CTNNA2: variants seen among roughly 807,000 people sequenced by gnomAD.
CTNNA2 encodes catenin alpha-2.
In CTNNA2, 42 loss-of-function variants were observed where a neutral mutation model predicts 101.0. That is an observed-to-expected ratio of 0.42 (90% CI 0.32 to 0.54). CTNNA2 has a LOEUF of 0.54. Ranked by LOEUF, CTNNA2 falls within the 20% of genes least tolerant of loss-of-function variation. CTNNA2 has a pLI of 0.14. For synonymous variants in CTNNA2, 450 were observed against 456.4 expected (o/e 0.99, Z 0.18); for missense variants, 871 against 1,223.1 (o/e 0.71, Z 4.29).
At chr2:80,161,633 C>G (rs1704327009) in intron 7 of CTNNA2, among the ~76,000 whole-genome samples, 2 of 152,116 alleles carry the variant, frequency 1.3e-5, no homozygotes. Flanking sequence ...TAACGTTTGA[C>G]TGACAGAAGT....
At chr2:80,591,457 G>GTTTTTTTTTGTTTTTTTTTTTTTTT (rs1696488662) in intron 15 of CTNNA2, among the ~76,000 whole-genome samples, 1 of 70,314 alleles carries the variant, frequency 1.4e-5, no homozygotes, top group African/African-American at 4.6e-5. Flanking sequence ...TGCACAGCCT[G>GTTTTTTTTTGTTTTTTTTTTTTTTT]TTTTTTTTTT....
At chr2:79,248,459 G>T (rs1176748321) in intron 2 of CTNNA2, among the ~76,000 whole-genome samples, 2 of 151,378 alleles carry the variant, frequency 1.3e-5, no homozygotes, top group African/African-American at 2.4e-5. Context: ...TTAAAATTTG[G>T]TATGTCTTTT....
intron 6 of CTNNA2, among the ~76,000 whole-genome samples, chr2:79,895,209 G>A (rs1684618066): frequency 6.6e-6 from 1 of 152,184 alleles, no homozygotes; most frequent in Non-Finnish European, 1.5e-5. Context: ...TTCAGGCCAT[G>A]CAATGTTTCT....
At chr2:80,253,769 T>A (rs1306436948) in intron 7 of CTNNA2, among the ~76,000 whole-genome samples, 1 of 152,172 alleles carries the variant, frequency 6.6e-6, no homozygotes, top group Non-Finnish European at 1.5e-5. Flanking sequence ...ACTTTAATGA[T>A]AATCAAGAAT....
chr2:80,208,249 A>ATTTG (rs1019905200), intron 7 of CTNNA2, among the ~76,000 whole-genome samples: 1 of 152,072 alleles, frequency 6.6e-6, no homozygotes, highest in Non-Finnish European at 1.5e-5. Flanking sequence ...ATTTTCGTTC[A>ATTTG]TTTGTTTGTT....
In CTNNA2 at chr2:80,065,420, A is replaced by G. The variant is rs564182127; in HGVS notation, c.1056+155623A>G. Among the ~76,000 whole-genome samples, 111 of 150,304 alleles carry G rather than the reference A, an allele frequency of 7.4e-4. 1 individual carries two copies. The highest frequency in any genetic ancestry group is 2.3e-3 in the African/African-American group (93 of 40,678). The stretch of plus-strand genomic sequence containing the variant: ...TGTCACCAGGCTGGAGTGCAGTGGC[A>G]TGATCTCGGCTCACTACAATCTCTG... On this transcript the variant is annotated intron_variant, in intron 7 of 18. Transcript: ENST00000402739.
At chr2:79,455,708 T>G (rs1468339409) in intron 4 of CTNNA2, among the ~76,000 whole-genome samples, 1 of 152,206 alleles carries the variant, frequency 6.6e-6, no homozygotes, top group Non-Finnish European at 1.5e-5. Flanking sequence ...TAAATATTCT[T>G]GCATACAAGG....
intron 3 of CTNNA2, among the ~76,000 whole-genome samples, chr2:79,787,756 A>G (rs1049638352): frequency 6.6e-6 from 1 of 151,764 alleles, no homozygotes; most frequent in African/African-American, 2.4e-5. Context: ...CTCTGCTACC[A>G]CTGTCACATC....
At chr2:79,773,523 C>G (rs978048529) in intron 3 of CTNNA2, among the ~76,000 whole-genome samples, 6 of 152,116 alleles carry the variant, frequency 3.9e-5, no homozygotes, top group Admixed American at 1.3e-4. Flanking sequence ...TCTGATAAGC[C>G]TTTCCAAAGG....
chr2:79,912,059 G>A (rs997130414), intron 7 of CTNNA2, among the ~76,000 whole-genome samples: 5 of 152,150 alleles, frequency 3.3e-5, no homozygotes, highest in Non-Finnish European at 7.3e-5. Context: ...AATTTCATAA[G>A]CTCTGAGAAT....
intron 9 of CTNNA2, among the ~76,000 whole-genome samples, chr2:80,510,946 A>G (rs1573082401): frequency 2.1e-5 from 3 of 143,042 alleles, no homozygotes; most frequent in Non-Finnish European, 4.6e-5. Context: ...TTTGTTATTT[A>G]TCTTTGTTAG....
intron 7 of CTNNA2, among the ~76,000 whole-genome samples, chr2:80,220,947 TCTCGGCTCAC>T (rs1237121570): frequency 2.6e-5 from 4 of 152,168 alleles, no homozygotes; most frequent in Non-Finnish European, 5.9e-5. Flanking sequence ...AGTGGCACAA[TCTCGGCTCAC>T]TGCAGCCTCC....
At chr2:80,179,355 T>C (rs1049856465) in intron 7 of CTNNA2, among the ~76,000 whole-genome samples, 2 of 152,092 alleles carry the variant, frequency 1.3e-5, no homozygotes, top group African/African-American at 2.4e-5. Flanking sequence ...ACCACCTCCA[T>C]GTCTTTCAAG....
intron 18 of CTNNA2, among the ~76,000 whole-genome samples, chr2:80,624,038 CTG>C (rs1671416597): frequency 6.6e-6 from 1 of 151,890 alleles, no homozygotes; most frequent in Non-Finnish European, 1.5e-5. Flanking sequence ...AGACAAGAAA[CTG>C]TAAACATTCA....
intron 9 of CTNNA2, among the ~76,000 whole-genome samples, chr2:80,536,019 C>G (rs886589080): frequency 1.3e-5 from 2 of 152,192 alleles, no homozygotes; most frequent in Non-Finnish European, 2.9e-5. Context: ...GCCTGTTTTT[C>G]TACCAGCTGC....
intron 7 of CTNNA2, among the ~76,000 whole-genome samples, chr2:80,037,936 A>G (rs1695775260): frequency 6.6e-6 from 1 of 152,250 alleles, no homozygotes; most frequent in Non-Finnish European, 1.5e-5. Flanking sequence ...TGTGAAATAT[A>G]GTAAATGTTC....
chr2:80,581,403 T>C (rs1039743753), intron 13 of CTNNA2, among the ~76,000 whole-genome samples: 1 of 152,146 alleles, frequency 6.6e-6, no homozygotes, highest in African/African-American at 2.4e-5. Flanking sequence ...TTTCAATAGA[T>C]TTGGATGGGT....
intron 7 of CTNNA2, among the ~76,000 whole-genome samples, chr2:80,112,808 T>A (rs1303962950): frequency 6.6e-6 from 1 of 152,192 alleles, no homozygotes; most frequent in East Asian, 1.9e-4. Flanking sequence ...GAAAACATAA[T>A]TATGAAGGTA....
At chr2:79,857,755 A>C (rs1558586087) in intron 3 of CTNNA2, among the ~76,000 whole-genome samples, 4 of 152,224 alleles carry the variant, frequency 2.6e-5, no homozygotes, top group African/African-American at 9.6e-5. Flanking sequence ...ATGGAATTAA[A>C]TATACTCCTT....
Sources: gnomAD v4.1 joint callset for allele counts (sites outside exome capture counted in the v4.1 genomes callset) on GRCh38, gnomAD v4.1.1 for gene constraint, MANE v1.5 for transcripts, NCBI Gene and HGNC (gene_info 2026-07-23, HGNC 2026-07-21) for gene names.